Variants in SEMA4D observed in about 807,000 individuals in gnomAD.
SEMA4D encodes semaphorin 4D, also known as semaphorin-4D.
Under a neutral mutation model 74.8 loss-of-function variants are expected in SEMA4D, and 22 were observed. The ratio of observed to expected loss-of-function variants is 0.29; its 90% CI spans 0.21 to 0.42. The LOEUF (loss-of-function observed/expected upper bound fraction) is 0.42, where lower values mean the gene tolerates loss of function less well. Ranked by LOEUF, SEMA4D falls within the 10% of genes least tolerant of loss-of-function variation. The pLI is 1.00. For synonymous variants in SEMA4D, 445 were observed against 463.7 expected (o/e 0.96, Z 0.52); for missense variants, 937 against 1,118.4 (o/e 0.84, Z 2.31).
intron 16 of SEMA4D, chr9:89,364,973 G>A (rs1833387528): frequency 6.6e-6 from 1 of 152,300 alleles, no homozygotes; most frequent in Admixed American, 6.5e-5. Flanking sequence ...GCACAAGTAA[G>A]TTCTGGTCAG....
chr9:89,439,081 C>T (rs1851142293), intron 2 of SEMA4D, among the ~76,000 whole-genome samples: 1 of 145,788 alleles, frequency 6.9e-6, no homozygotes, highest in African/African-American at 2.5e-5. Context: ...TCCCGGATTC[C>T]AGCGATCCTC....
At chr9:89,394,245 C>T (rs908495312) in intron 6 of SEMA4D, among the ~76,000 whole-genome samples, 2 of 152,116 alleles carry the variant, frequency 1.3e-5, no homozygotes, top group African/African-American at 4.8e-5. Flanking sequence ...GCCAGAGTGC[C>T]CACAGCCACA....
chr9:89,411,251 G>A (rs935007702), intron 2 of SEMA4D, among the ~76,000 whole-genome samples: 1 of 152,216 alleles, frequency 6.6e-6, no homozygotes, highest in Admixed American at 6.5e-5. Flanking sequence ...ATTAGAAAAT[G>A]AAGTTATTAA....
intron 2 of SEMA4D, chr9:89,450,681 A>AAAAAAAAAAAAAAAAAAAAAAAAAAC (rs1854244305): frequency 1.2e-6 from 1 of 819,450 alleles, no homozygotes; most frequent in Non-Finnish European, 1.9e-6. Flanking sequence ...AAAAAAAAAA[A>AAAAAAAAAAAAAAAAAAAAAAAAAAC]AAAAAAGGCC....
At position 89,378,723 on chromosome 9, in the gene SEMA4D, G is replaced by A. The variant is rs1836276630; in HGVS notation, c.2570C>T (p.Ser857Leu). 6.2e-7 allele frequency: 1 copy of A among 1,614,048 alleles called. No individual in the cohort carries two copies. Among genetic ancestry groups the A allele is most frequent in the East Asian group, 2.2e-5 (1 of 44,886 alleles). Reference sequence around the variant, plus strand: ...CCGGCCTCAGTCTCCATCTGCGTCTGAGTCAGCGAACTTCAGCTCACACTT... The same window carrying A: ...CCGGCCTCAGTCTCCATCTGCGTCTAAGTCAGCGAACTTCAGCTCACACTT... ...DVKCELKFAD[S>L]DADGD Residue 857 changes from serine (S) to leucine (L), a missense_variant, in exon 16 of 16, where the codon TCA becomes TTA. Coordinates refer to ENST00000422704, the MANE Select transcript of SEMA4D (RefSeq NM_001371194.2).
intron 13 of SEMA4D, chr9:89,386,166 T>A (rs1838433850): frequency 3.8e-6 from 3 of 792,884 alleles, no homozygotes; most frequent in Non-Finnish European, 4.6e-6. Context: ...TCTCCCCAGG[T>A]CTGCCTTCCT....
intron 16 of SEMA4D, chr9:89,367,049 C>T (rs1290979295): frequency 2.0e-5 from 3 of 152,526 alleles, no homozygotes; most frequent in Non-Finnish European, 4.4e-5. Context: ...CCACTGCTAA[C>T]AGGCATCAGT....
intron 1 of SEMA4D, among the ~76,000 whole-genome samples, chr9:89,494,638 T>A (rs994111636): frequency 6.6e-6 from 1 of 152,160 alleles, no homozygotes; most frequent in Non-Finnish European, 1.5e-5. Context: ...CAGGGAGGAA[T>A]TGGAGATCTC....
At chr9:89,452,182 G>GTTTTTTTTTTTT (rs748453753) in intron 2 of SEMA4D, among the ~76,000 whole-genome samples, 1 of 135,434 alleles carries the variant, frequency 7.4e-6, no homozygotes, top group East Asian at 2.1e-4. Flanking sequence ...GGTTTTTTTT[G>GTTTTTTTTTTTT]TTTTTTTTTT....
chr9:89,471,595 TGCCAGCTCAGGTGCAC>T (rs144213209), intron 1 of SEMA4D, among the ~76,000 whole-genome samples: 19,538 of 150,316 alleles, frequency 0.13, 1,319 homozygotes, highest in Middle Eastern at 0.22. Flanking sequence ...CTCAGATGCA[TGCCAGCTCAGGTGCAC>T]GCCAGCTCAG....
At position 89,387,412 on chromosome 9, in the gene SEMA4D, A is replaced by G. The variant is rs1156370237; in HGVS notation, c.1304T>C (p.Val435Ala). The G allele has an allele frequency of 1.1e-5, 17 of 1,614,062 alleles. No homozygotes were observed. The highest frequency in any genetic ancestry group is 5.5e-5 in the South Asian group (5 of 91,074). The change falls in exon 12 of 16, where the codon GTC (valine) becomes GCC (alanine). Residue 435 changes from valine (V) to alanine (A), a missense_variant. Val to Ala is a moderately conservative substitution (Grantham distance 64, BLOSUM62 0). Coordinates refer to ENST00000422704, the MANE Select transcript of SEMA4D (RefSeq NM_001371194.2). ...TGTGCTGACAAACATGACATCATAG[A>G]CAGTCCCATCCAGGGCCTGGGTCCG... ...VDRTQALDGT[V>A]YDVMFVSTDR...
intron 2 of SEMA4D, chr9:89,418,160 C>G: frequency 3.2e-6 from 3 of 931,130 alleles, no homozygotes; most frequent in Non-Finnish European, 3.8e-6. Context: ...AGCCCTTAAA[C>G]TGTGCATCCA....
chr9:89,418,616 G>A (rs4472616), intron 2 of SEMA4D: 162,651 of 165,474 alleles, frequency 0.98, 80,057 homozygotes, highest in Non-Finnish European at 1. Flanking sequence ...AAACAGAACG[G>A]TGTCCACCGT....
At position 89,474,460 on chromosome 9, in the gene SEMA4D, G is replaced by A. The variant is rs1861267426; in HGVS notation, c.-309-18507C>T. Among the ~76,000 whole-genome samples, 3 of 152,188 alleles carry A rather than the reference G, an allele frequency of 2.0e-5. 1 individual carries two copies. The South Asian group carries it at 6.2e-4, about 31-fold the overall frequency. On this transcript the variant is annotated intron_variant, in intron 1 of 15. Coordinates refer to ENST00000422704, the MANE Select transcript of SEMA4D (RefSeq NM_001371194.2). Reference sequence around the variant, plus strand: ...GCTATGTTCCTTTGTATACACAGATGAAAGCAGCAACTAAATAGCCTGCGT... The same window carrying A: ...GCTATGTTCCTTTGTATACACAGATAAAAGCAGCAACTAAATAGCCTGCGT...
chr9:89,362,911 A>G (rs1832927439), intron 18 of SEMA4D, among the ~76,000 whole-genome samples: 1 of 152,086 alleles, frequency 6.6e-6, no homozygotes, highest in Non-Finnish European at 1.5e-5. Flanking sequence ...GTGGGGAGAC[A>G]GGGAGCCTCT....
rs190092158 is a variant in SEMA4D, at chr9:89,363,319, G to A, written c.2190+111C>T. Reference sequence around the variant, plus strand: ...AAGGAAACTGCTCCGGGGCTAAGAGGGAACAAGTGGGGTCCATGCTGAATG... The same window carrying A: ...AAGGAAACTGCTCCGGGGCTAAGAGAGAACAAGTGGGGTCCATGCTGAATG... On this transcript the variant is annotated intron_variant, in intron 18 of 18. Coordinates refer to the SEMA4D transcript ENST00000339861. The A allele has an allele frequency of 2.3e-4, 333 of 1,478,174 alleles. 2 individuals carry two copies. The African/African-American group carries it at 4.2e-3, about 19-fold the overall frequency. 91.6% of individuals were successfully genotyped at this position (1,478,174 alleles called of 1,614,324 possible).
At position 89,378,900 on chromosome 9, in the gene SEMA4D, C is replaced by T. The variant is rs140573763; in HGVS notation, c.2393G>A (p.Ser798Asn). 9.4e-4 allele frequency: 1,522 copies of T among 1,614,208 alleles called. 1 individual carries two copies. Among genetic ancestry groups the T allele is most frequent in the Admixed American group, 1.1e-3 (67 of 60,030 alleles). ...GTGCTCCCCATTCTGCTGGGAGAAGCTCCCTGGCTCTACTAACGTCTCCTT... is the reference window on the plus strand; with the variant it reads ...GTGCTCCCCATTCTGCTGGGAGAAGTTCCCTGGCTCTACTAACGTCTCCTT... ...SLKETLVEPG[S>N]FSQQNGEHPK... The change falls in exon 16 of 16, where the codon AGC (serine) becomes AAC (asparagine). Residue 798 changes from serine to asparagine, a missense_variant. By Grantham distance (46) the Ser-to-Asn change is conservative. Coordinates refer to ENST00000422704, the MANE Select transcript of SEMA4D (RefSeq NM_001371194.2).
chr9:89,364,458 C>T (rs544936318), intron 16 of SEMA4D: 1 of 209,808 alleles, frequency 4.8e-6, no homozygotes, highest in East Asian at 1.1e-4. Flanking sequence ...CCAATTGAGA[C>T]ACTGGGGTGG....
rs1367879750 is a variant in SEMA4D at position 89,480,710 on chromosome 9, G to A, written c.-310+17209C>T. 3.9e-5 allele frequency among the ~76,000 whole-genome samples: 6 copies of A among 152,344 alleles called. No individual in the cohort carries two copies. The East Asian group carries it at 5.8e-4, about 15-fold the overall frequency. Reference sequence around the variant, plus strand: ...GCCAGAAGGGCTGGCTGGCTGCTCCGAGTGCGGGGCCCACCAAGCCCACGC... The same window carrying A: ...GCCAGAAGGGCTGGCTGGCTGCTCCAAGTGCGGGGCCCACCAAGCCCACGC... On this transcript the variant is annotated intron_variant, in intron 1 of 15. Coordinates refer to ENST00000422704, the MANE Select transcript of SEMA4D (RefSeq NM_001371194.2).
Sources: allele counts gnomAD v4.1 joint callset (sites outside exome capture counted in the v4.1 genomes callset), GRCh38; gene constraint gnomAD v4.1.1; transcripts MANE v1.5; gene names NCBI Gene and HGNC (gene_info 2026-07-23, HGNC 2026-07-21).